Variants in FILIP1L observed in about 807,000 individuals in gnomAD.
The protein encoded by FILIP1L is filamin A interacting protein 1 like, also known as filamin A-interacting protein 1-like.
A neutral mutation model predicts 96.6 loss-of-function variants in FILIP1L; 55 were observed. The ratio of observed to expected loss-of-function variants is 0.57; its 90% CI spans 0.46 to 0.71. The LOEUF is 0.71. FILIP1L is among the 30% of genes least tolerant of loss of function. FILIP1L has a pLI of 0.00. For missense variants in FILIP1L, 1,304 were observed against 1,321.2 expected (o/e 0.99, Z 0.20); for synonymous variants, 467 against 473.9 (o/e 0.99, Z 0.19).
At chr3:100,057,774 AC>A (rs2065490248) in intron 1 of FILIP1L, among the ~76,000 whole-genome samples, 1 of 152,118 alleles carries the variant, frequency 6.6e-6, no homozygotes, top group Admixed American at 6.5e-5. Flanking sequence ...AGCATAACCT[AC>A]CCCTGCTACT....
chr3:100,015,698 G>C (rs556603876), intron 1 of FILIP1L, among the ~76,000 whole-genome samples: 9 of 152,302 alleles, frequency 5.9e-5, no homozygotes, highest in Non-Finnish European at 1.2e-4. Context: ...CTGTGCTTCA[G>C]TGTCTTCATC....
At position 99,996,410 on chromosome 3, in the gene FILIP1L, C is replaced by T. The variant is rs531262762; in HGVS notation, c.-10-65380G>A. ...CATTCAGCAAGTCTCTAGGAAGTTC[C>T]AACTTTCCCACATTTTCCTGTCTTC... On this transcript the variant is annotated intron_variant, in intron 1 of 5. Transcript: ENST00000477258. Among the ~76,000 whole-genome samples, 3 of 152,242 alleles carry T rather than the reference C, an allele frequency of 2.0e-5. No individual in the cohort carries two copies. The East Asian group carries it at 5.8e-4, about 29-fold the overall frequency.
At chr3:100,078,914 C>CA in intron 1 of FILIP1L, among the ~76,000 whole-genome samples, 1 of 152,074 alleles carries the variant, frequency 6.6e-6, no homozygotes, top group Admixed American at 6.6e-5. Context: ...AAAAAGATTG[C>CA]AAAAAATCTC....
At chr3:100,076,521 G>A (rs1211597268) in intron 1 of FILIP1L, among the ~76,000 whole-genome samples, 1 of 152,186 alleles carries the variant, frequency 6.6e-6, no homozygotes, top group Non-Finnish European at 1.5e-5. Context: ...TAATCTGTGG[G>A]TTACAGTATC....
At chr3:99,954,387 T>C (rs1382626680) in intron 1 of FILIP1L, among the ~76,000 whole-genome samples, 1 of 152,220 alleles carries the variant, frequency 6.6e-6, no homozygotes, top group Non-Finnish European at 1.5e-5. Context: ...GAGATAGGTA[T>C]CATAATGGCT....
chr3:99,867,825 TA>T (rs1413191457), intron 4 of FILIP1L, among the ~76,000 whole-genome samples: 1 of 152,188 alleles, frequency 6.6e-6, no homozygotes, highest in Non-Finnish European at 1.5e-5. Context: ...TGGAAAACCG[TA>T]ATTGGAATTC....
intron 4 of FILIP1L, among the ~76,000 whole-genome samples, chr3:99,861,194 T>C (rs1226529814): frequency 1.3e-5 from 2 of 151,854 alleles, no homozygotes; most frequent in Non-Finnish European, 2.9e-5. Context: ...ACCCCCGCCC[T>C]CCCAAAAAAA....
At chr3:100,054,529 T>TATGTTATGTTATGTC (rs1559741173) in intron 1 of FILIP1L, among the ~76,000 whole-genome samples, 8 of 151,590 alleles carry the variant, frequency 5.3e-5, no homozygotes, top group Non-Finnish European at 1.2e-4. Context: ...TATGTTATGT[T>TATGTTATGTTATGTC]ATGTTATGTT....
intron 3 of FILIP1L, among the ~76,000 whole-genome samples, chr3:99,927,446 C>T (rs1340616226): frequency 4.6e-5 from 7 of 150,568 alleles, no homozygotes; most frequent in Non-Finnish European, 8.9e-5. Context: ...CTCAGCTCAT[C>T]GCGATCTCCG....
intron 4 of FILIP1L, among the ~76,000 whole-genome samples, chr3:99,921,719 A>G (rs992420534): frequency 1.3e-5 from 2 of 152,238 alleles, no homozygotes; most frequent in Non-Finnish European, 1.5e-5. Context: ...GAAACTTTAT[A>G]TCCTATAAAG....
intron 1 of FILIP1L, among the ~76,000 whole-genome samples, chr3:100,077,243 C>T (rs1318610439): frequency 6.6e-6 from 1 of 152,196 alleles, no homozygotes; most frequent in African/African-American, 2.4e-5. Context: ...CATGCAGAAA[C>T]TCTCTATCTG....
intron 1 of FILIP1L, among the ~76,000 whole-genome samples, chr3:100,038,779 G>A (rs1348406914): frequency 4.6e-5 from 7 of 152,102 alleles, no homozygotes; most frequent in Non-Finnish European, 8.8e-5. Flanking sequence ...GAGATTACAG[G>A]TGCCAAGCCA....
At chr3:100,081,356 C>T (rs2065929153) in intron 1 of FILIP1L, among the ~76,000 whole-genome samples, 1 of 152,174 alleles carries the variant, frequency 6.6e-6, no homozygotes, top group African/African-American at 2.4e-5. Flanking sequence ...CACTGATGGT[C>T]AGTTTATGCT....
intron 4 of FILIP1L, among the ~76,000 whole-genome samples, chr3:99,882,017 A>G (rs1181599315): frequency 6.6e-6 from 1 of 152,216 alleles, no homozygotes; most frequent in African/African-American, 2.4e-5. Context: ...TAGTTGACCA[A>G]CTAAGAGTAG....
At chr3:99,895,917 A>G (rs1706235915) in intron 4 of FILIP1L, among the ~76,000 whole-genome samples, 1 of 152,180 alleles carries the variant, frequency 6.6e-6, no homozygotes, top group African/African-American at 2.4e-5. Flanking sequence ...AAAGGAACCC[A>G]TCATCTATGT....
At chr3:100,010,130 G>A (rs1314046578) in intron 1 of FILIP1L, 7 of 966,490 alleles carry the variant, frequency 7.2e-6, no homozygotes, top group Non-Finnish European at 7.4e-6. Context: ...CTTATTTTTA[G>A]GTAAGTCATC....
At chr3:100,039,467 C>A (rs966853727) in intron 1 of FILIP1L, among the ~76,000 whole-genome samples, 2 of 152,050 alleles carry the variant, frequency 1.3e-5, no homozygotes, top group African/African-American at 4.8e-5. Context: ...TGGTTTAATA[C>A]TTAATGGAAA....
chr3:100,038,524 A>G (rs965461276), intron 1 of FILIP1L, among the ~76,000 whole-genome samples: 1 of 152,212 alleles, frequency 6.6e-6, no homozygotes, highest in Non-Finnish European at 1.5e-5. Context: ...GTTTAATTTC[A>G]AAATTAACAA....
At chr3:99,978,411 A>G (rs1414742095) in intron 1 of FILIP1L, among the ~76,000 whole-genome samples, 1 of 152,254 alleles carries the variant, frequency 6.6e-6, no homozygotes, top group Non-Finnish European at 1.5e-5. Flanking sequence ...TGAATGGATA[A>G]AGAAAATGTG....
Sources: allele counts gnomAD v4.1 joint callset (sites outside exome capture counted in the v4.1 genomes callset), GRCh38; gene constraint gnomAD v4.1.1; transcripts MANE v1.5; gene names NCBI Gene and HGNC (gene_info 2026-07-23, HGNC 2026-07-21).